Variants in KCNQ1 observed in about 807,000 individuals in gnomAD.
KCNQ1 encodes the protein potassium voltage-gated channel subfamily Q member 1.
Under a neutral mutation model 72.4 loss-of-function variants are expected in KCNQ1, and 49 were observed. The ratio of observed to expected loss-of-function variants is 0.68; its 90% confidence interval spans 0.54 to 0.86. The LOEUF is 0.86. Among genes scored for constraint, KCNQ1 ranks in the 40% least tolerant of loss-of-function variants. The pLI, the probability that KCNQ1 is intolerant of heterozygous loss-of-function variation, is 0.00. For synonymous variants in KCNQ1, 450 were observed against 412.6 expected, an observed-to-expected ratio of 1.09 and a Z score of -1.10; for missense variants, 790 against 945.1, an observed-to-expected ratio of 0.84 and a Z score of 2.15.
rs1842374816 is a variant in KCNQ1, at chr11:2,563,509, C to A, written c.478-7119C>A. ...CTCCTCCTGTGTGACCTTGAGCTAC[C>A]TTGAGCTTCCATTTTCCTTCCGCAC... is the stretch of plus-strand genomic sequence containing the variant. On this transcript the variant is annotated intron_variant, in intron 2 of 15. Transcript: ENST00000155840. This position sits in a 1 kb window ranked among gnomAD's most constrained non-coding sequence, Gnocchi z 7.4. 6.6e-6 allele frequency among the ~76,000 whole-genome samples: 1 copy of A among 152,216 alleles called. No individual in the cohort carries two copies. The highest frequency in any genetic ancestry group is 6.5e-5 in the Admixed American group (1 of 15,286).
rs1337212481 is a variant in KCNQ1, at chr11:2,713,386, A to G, written c.1514+51305A>G. The stretch of plus-strand genomic sequence containing the variant: ...GCTGTGGTTTTTATTGTTTTATTTT[A>G]TTATTCCAGCTATATTACGTTGGGA... On this transcript the variant is annotated intron_variant, in intron 11 of 15. Coordinates refer to ENST00000155840, the MANE Select transcript of KCNQ1 (RefSeq NM_000218.3). The surrounding 1 kb of genome is among the most constrained non-coding windows in gnomAD (Gnocchi z 5.6). Among the ~76,000 whole-genome samples the G allele has an allele frequency of 6.6e-6, 1 of 152,096 alleles. No homozygotes were observed. Among genetic ancestry groups the G allele is most frequent in the East Asian group, 1.9e-4 (1 of 5,196 alleles).
intron 11 of KCNQ1, among the ~76,000 whole-genome samples, chr11:2,756,439 A>AT (rs1207758047): frequency 9.5e-5 from 10 of 105,416 alleles, no homozygotes; most frequent in Non-Finnish European, 1.7e-4. Flanking sequence ...AATTACTAAA[A>AT]TTAAAAAAAA....
rs541719547 is a variant in KCNQ1, at chr11:2,679,746, T to C, written c.1514+17665T>C. 5.0e-6 allele frequency: 2 copies of C among 398,576 alleles called. No homozygotes were observed. Among genetic ancestry groups the C allele is most frequent in the Non-Finnish European group, 8.8e-6 (2 of 226,050 alleles). The allele number at this position is 398,576 out of a possible 1,614,324, so 24.7% of individuals were successfully genotyped here. A position where few individuals can be genotyped will look rare whatever the true frequency, so the allele number is the denominator to read the frequency against. On this transcript the variant is annotated intron_variant, in intron 11 of 15. Coordinates refer to ENST00000155840, the MANE Select transcript of KCNQ1 (RefSeq NM_000218.3). This position sits in a 1 kb window ranked among gnomAD's most constrained non-coding sequence, Gnocchi z 4.8. Reference sequence around the variant, plus strand: ...GTCCAGATGCTGTGGACAGTGATGATGGGAAAATAGTCCCTGCTGCACACT... The same window carrying C: ...GTCCAGATGCTGTGGACAGTGATGACGGGAAAATAGTCCCTGCTGCACACT...
intron 5 of KCNQ1, 89 bp downstream of exon 5, chr11:2,572,198 G>A (rs1484393232): frequency 2.2e-5 from 22 of 989,114 alleles, no homozygotes; most frequent in Middle Eastern, 2.6e-4. Context: ...CTTGAGATGC[G>A]CTGAGGCCCC....
At chr11:2,594,463 A>G (rs1437651315) in intron 10 of KCNQ1, among the ~76,000 whole-genome samples, 2 of 152,126 alleles carry the variant, frequency 1.3e-5, no homozygotes, top group Non-Finnish European at 2.9e-5. Flanking sequence ...TATGTCTTTC[A>G]TCAACCGTGG....
intron 11 of KCNQ1, among the ~76,000 whole-genome samples, chr11:2,733,822 ACT>A (rs71029156): frequency 9.4e-4 from 87 of 92,444 alleles, no homozygotes; most frequent in East Asian, 3.1e-3. Flanking sequence ...ACACTCTCTC[ACT>A]CTCTCTCTCT....
intron 11 of KCNQ1, chr11:2,666,832 G>T (rs1389207502): frequency 2.5e-6 from 1 of 398,714 alleles, no homozygotes; most frequent in South Asian, 1.3e-4. Flanking sequence ...GACATTCTGG[G>T]AACCAGTGTC....
intron 2 of KCNQ1, among the ~76,000 whole-genome samples, chr11:2,540,570 T>A (rs986805877): frequency 6.6e-6 from 1 of 152,202 alleles, no homozygotes. Context: ...TTGTGGGAGA[T>A]GCTCTCAACC....
At position 2,543,278 on chromosome 11, in the gene KCNQ1, C is replaced by CT. The variant is rs148495618; in HGVS notation, c.477+15270dup. On this transcript the variant is annotated intron_variant, in intron 2 of 15. Transcript: ENST00000155840. This position sits in a 1 kb window ranked among gnomAD's most constrained non-coding sequence, Gnocchi z 5.6. Reference sequence around the variant, plus strand: ...TTCCTTTTCATTTATTTAGTAGTATCTTTTTTTTTTGTTTGAGACTGGGTC... The same window carrying CT: ...TTCCTTTTCATTTATTTAGTAGTATCTTTTTTTTTTTGTTTGAGACTGGGTC... Among the ~76,000 whole-genome samples, 2,431 of 149,556 alleles carry CT rather than the reference C, an allele frequency of 0.016. 43 individuals carry two copies. The highest frequency in any genetic ancestry group is 0.048 in the East Asian group (244 of 5,132).
chr11:2,693,683 C>G lies in KCNQ1; in HGVS notation c.1514+31602C>G, dbSNP rs1024952777. The stretch of plus-strand genomic sequence containing the variant: ...GTTCCGCAGACAGAGCAGCCAGAGA[C>G]TGGGTGCGCTCCAGCCTCATGGGCC... On this transcript the variant is annotated intron_variant, in intron 11 of 15. Coordinates refer to ENST00000155840, the MANE Select transcript of KCNQ1 (RefSeq NM_000218.3). The G allele has an allele frequency of 5.3e-5, 21 of 398,554 alleles. No homozygotes were observed. Among genetic ancestry groups the G allele is most frequent in the Middle Eastern group, 6.2e-4 (1 of 1,610 alleles). The allele number at this position is 398,554 out of a possible 1,614,324, so 24.7% of individuals were successfully genotyped here. A position where few individuals can be genotyped will look rare whatever the true frequency, so the allele number is the denominator to read the frequency against.
At chr11:2,630,543 G>C (rs1849336378) in intron 10 of KCNQ1, 2 of 398,122 alleles carry the variant, frequency 5.0e-6, no homozygotes, top group East Asian at 3.6e-5. Flanking sequence ...CATATCCATT[G>C]AGAAATTATG....
chr11:2,632,249 T>C, intron 10 of KCNQ1: 1 of 398,528 alleles, frequency 2.5e-6, no homozygotes, highest in Non-Finnish European at 4.4e-6. Context: ...CCTGCTACTT[T>C]GCTGAATTAA....
intron 10 of KCNQ1, chr11:2,650,788 C>G: frequency 2.5e-6 from 1 of 398,662 alleles, no homozygotes; most frequent in Non-Finnish European, 4.4e-6. Flanking sequence ...TCTCCTAATA[C>G]TGCTAACAGC....
intron 11 of KCNQ1, chr11:2,665,961 G>C: frequency 2.5e-6 from 1 of 398,600 alleles, no homozygotes; most frequent in Non-Finnish European, 4.4e-6. Context: ...CCCTCACACT[G>C]CATCCCCAAC....
Position 2,588,892 on chromosome 11 carries a change from G to T in KCNQ1, c.1393+38G>T. 1 of 1,607,428 alleles carries T rather than the reference G, an allele frequency of 6.2e-7. No individual in the cohort carries two copies. The highest frequency in any genetic ancestry group is 1.1e-5 in the South Asian group (1 of 90,580). Reference sequence around the variant, plus strand: ...CAGGCAGTTGGGGGCCGCGGGGCCGGGAAGGTCACTGCCTTTTTTGGGAGC... The same window carrying T: ...CAGGCAGTTGGGGGCCGCGGGGCCGTGAAGGTCACTGCCTTTTTTGGGAGC... On this transcript the variant is annotated intron_variant, in intron 10 of 15. Transcript: ENST00000155840. The surrounding 1 kb of genome is among the most constrained non-coding windows in gnomAD (Gnocchi z 5.6).
intron 6 of KCNQ1, among the ~76,000 whole-genome samples, chr11:2,582,532 C>T (rs1035365284): frequency 6.6e-6 from 1 of 152,202 alleles, no homozygotes; most frequent in Admixed American, 6.5e-5. Context: ...CCAGAAGCCC[C>T]AAGCCGGTAA....
rs1255484083 is a variant in KCNQ1, at chr11:2,617,316, G to A, written c.1393+28462G>A. On this transcript the variant is annotated intron_variant, in intron 10 of 15. Coordinates refer to ENST00000155840, the MANE Select transcript of KCNQ1 (RefSeq NM_000218.3). This position sits in a 1 kb window ranked among gnomAD's most constrained non-coding sequence, Gnocchi z 4.6. ...TCTTTTTAAGATTCTACATATAGGTGAGATTATTTAAAACTTTTCATTTGT... is the reference window on the plus strand; with the variant it reads ...TCTTTTTAAGATTCTACATATAGGTAAGATTATTTAAAACTTTTCATTTGT... 2.5e-6 allele frequency: 1 copy of A among 398,160 alleles called. No individual in the cohort carries two copies. The highest frequency in any genetic ancestry group is 4.4e-6 in the Non-Finnish European group (1 of 225,902). 24.7% of individuals were successfully genotyped at this position (398,160 alleles called of 1,614,324 possible). A position where few individuals can be genotyped will look rare whatever the true frequency, so the allele number is the denominator to read the frequency against.
chr11:2,790,039 G>C (rs561481586), intron 15 of KCNQ1, among the ~76,000 whole-genome samples: 1 of 152,270 alleles, frequency 6.6e-6, no homozygotes, highest in South Asian at 2.1e-4. Context: ...CCCTGCCCTG[G>C]GACTTGGAGG....
At chr11:2,641,776 C>A in intron 10 of KCNQ1, 1 of 398,428 alleles carries the variant, frequency 2.5e-6, no homozygotes, top group South Asian at 1.3e-4. Context: ...TTTCATGCCT[C>A]ATGTTTAAGT....
Sources: allele counts gnomAD v4.1 joint callset (sites outside exome capture counted in the v4.1 genomes callset), GRCh38; gene constraint gnomAD v4.1.1; non-coding constraint Gnocchi (gnomAD v3.1); transcripts MANE v1.5; gene names NCBI Gene and HGNC (gene_info 2026-07-23, HGNC 2026-07-21).